Variants in PDE4D observed in about 807,000 individuals in gnomAD.
PDE4D encodes phosphodiesterase 4D, also known as 3',5'-cyclic-AMP phosphodiesterase 4D.
Under a neutral mutation model 87.4 loss-of-function variants are expected in PDE4D, and 24 were observed. That is an observed-to-expected ratio of 0.27 (90% CI 0.20 to 0.39). The LOEUF (loss-of-function observed/expected upper bound fraction) is 0.39. Among genes scored for constraint, PDE4D ranks in the 10% least tolerant of loss-of-function variants. PDE4D has a pLI of 1.00. For synonymous variants in PDE4D, 384 were observed against 383.2 expected (o/e 1.00, Z -0.02); for missense variants, 714 against 1,041.0 (o/e 0.69, Z 4.32).
chr5:60,270,258 A>G (rs1362647705), intron 1 of PDE4D, among the ~76,000 whole-genome samples: 1 of 152,186 alleles, frequency 6.6e-6, no homozygotes, highest in African/African-American at 2.4e-5. Flanking sequence ...CATATCCCCA[A>G]AAAGCAACTG....
intron 1 of PDE4D, among the ~76,000 whole-genome samples, chr5:59,267,949 A>T (rs955433035): frequency 2.0e-5 from 3 of 152,026 alleles, no homozygotes; most frequent in Non-Finnish European, 4.4e-5. Context: ...TGTCCTCTAC[A>T]CTGAGTTTCA....
intron 1 of PDE4D, among the ~76,000 whole-genome samples, chr5:60,276,366 C>A (rs1324653247): frequency 6.6e-6 from 1 of 152,140 alleles, no homozygotes; most frequent in African/African-American, 2.4e-5. Context: ...TTTTACCATG[C>A]CTAATTAAAC....
chr5:60,435,912 T>C (rs1470396394), intron 1 of PDE4D, among the ~76,000 whole-genome samples: 1 of 152,090 alleles, frequency 6.6e-6, no homozygotes, highest in Non-Finnish European at 1.5e-5. Context: ...AAGACAGATC[T>C]TTAATTTTTC....
chr5:60,217,445 G>C (rs1358494212), intron 1 of PDE4D, among the ~76,000 whole-genome samples: 1 of 151,662 alleles, frequency 6.6e-6, no homozygotes, highest in Non-Finnish European at 1.5e-5. Flanking sequence ...TTTTTAATGG[G>C]GAAAGAAACA....
chr5:59,574,106 AT>A (rs1822572014), intron 1 of PDE4D, among the ~76,000 whole-genome samples: 2 of 35,932 alleles, frequency 5.6e-5, no homozygotes, highest in East Asian at 1.1e-3. Context: ...ATATATATTT[AT>A]ATATATATAT....
chr5:59,488,706 G>C (rs1805622996), intron 1 of PDE4D, among the ~76,000 whole-genome samples: 1 of 149,374 alleles, frequency 6.7e-6, no homozygotes, highest in Non-Finnish European at 1.5e-5. Context: ...GGGATCTTCA[G>C]AGAGCTTTCC....
chr5:58,974,910 C>T lies in PDE4D; in HGVS notation c.2184G>A (p.Gln728=), dbSNP rs760459130. 5.0e-6 allele frequency: 8 copies of T among 1,612,758 alleles called. No individual in the cohort carries two copies. Among genetic ancestry groups the T allele is most frequent in the East Asian group, 2.2e-5 (1 of 44,852 alleles). The part of the protein sequence containing the change: ...PAPDDPEEGR[Q]GQTEKFQFEL... Reference sequence around the variant, plus strand: ...CAAACTGGAATTTCTCAGTTTGACCCTGCCGGCCCTCCTCTGGGTCATCAG... The same window carrying T: ...CAAACTGGAATTTCTCAGTTTGACCTTGCCGGCCCTCCTCTGGGTCATCAG... The change falls in exon 15 of 15, where the codon CAG becomes CAA. Residue 728 remains glutamine (Q), a synonymous_variant. Transcript: ENST00000340635.
At chr5:59,512,321 T>G (rs550592760) in intron 1 of PDE4D, among the ~76,000 whole-genome samples, 13 of 152,130 alleles carry the variant, frequency 8.5e-5, no homozygotes, top group Non-Finnish European at 1.9e-4. Flanking sequence ...GTTATATTCC[T>G]CTCTGGGTCA....
intron 1 of PDE4D, chr5:59,768,272 G>T: frequency 6.3e-6 from 10 of 1,598,274 alleles, no homozygotes; most frequent in Non-Finnish European, 8.5e-6. Flanking sequence ...GTGAAACGCC[G>T]CTGTTTGGGG....
intron 5 of PDE4D, among the ~76,000 whole-genome samples, chr5:59,112,649 G>A (rs1772864815): frequency 6.6e-6 from 1 of 152,124 alleles, no homozygotes; most frequent in African/African-American, 2.4e-5. Context: ...ATATTCTCAA[G>A]CTTTGGCCTG....
intron 1 of PDE4D, chr5:59,586,314 A>C (rs746665394): frequency 6.4e-7 from 1 of 1,567,912 alleles, no homozygotes; most frequent in South Asian, 1.1e-5. Flanking sequence ...ACTGAAGGGA[A>C]TATTGATTAC....
chr5:59,207,412 A>G (rs1749034714), intron 2 of PDE4D, among the ~76,000 whole-genome samples: 2 of 151,986 alleles, frequency 1.3e-5, no homozygotes, highest in Non-Finnish European at 1.5e-5. Flanking sequence ...AAGAATCAGT[A>G]ATTTTCAACT....
chr5:60,367,322 C>A (rs995164070), intron 1 of PDE4D, among the ~76,000 whole-genome samples: 1 of 151,898 alleles, frequency 6.6e-6, no homozygotes, highest in Non-Finnish European at 1.5e-5. Context: ...GTGGTGCATG[C>A]CTGTAATCCC....
chr5:59,374,011 A>G (rs776690889), intron 1 of PDE4D, among the ~76,000 whole-genome samples: 7 of 152,214 alleles, frequency 4.6e-5, no homozygotes, highest in Non-Finnish European at 7.3e-5. Flanking sequence ...ATGCCTTACA[A>G]GAACTCCTGA....
intron 1 of PDE4D, among the ~76,000 whole-genome samples, chr5:59,493,508 C>G (rs377701062): frequency 2.6e-5 from 4 of 152,204 alleles, no homozygotes; most frequent in Admixed American, 6.5e-5. Flanking sequence ...TGTTAAAGCA[C>G]AGTAAGTTCT....
chr5:59,907,315 G>A (rs146031668), intron 3 of PDE4D, among the ~76,000 whole-genome samples: 27 of 151,750 alleles, frequency 1.8e-4, no homozygotes, highest in African/African-American at 5.8e-4. Context: ...ATTAGTGGTC[G>A]GCAAACTGTT....
At chr5:59,606,468 C>A (rs1292104768) in intron 1 of PDE4D, among the ~76,000 whole-genome samples, 1 of 151,998 alleles carries the variant, frequency 6.6e-6, no homozygotes, top group Non-Finnish European at 1.5e-5. Context: ...TACTAATATT[C>A]CCCAGTTTAT....
chr5:60,060,587 T>C (rs1364563474), intron 2 of PDE4D, among the ~76,000 whole-genome samples: 1 of 152,128 alleles, frequency 6.6e-6, no homozygotes, highest in Non-Finnish European at 1.5e-5. Flanking sequence ...GAGGAGTTGA[T>C]TTCAACTGTC....
At chr5:59,603,107 T>C (rs1258155487) in intron 1 of PDE4D, among the ~76,000 whole-genome samples, 1 of 151,872 alleles carries the variant, frequency 6.6e-6, no homozygotes, top group East Asian at 1.9e-4. Flanking sequence ...CAATGATTTT[T>C]TGAACATGAC....
Sources: gnomAD v4.1 joint callset for allele counts (sites outside exome capture counted in the v4.1 genomes callset) on GRCh38, gnomAD v4.1.1 for gene constraint, MANE v1.5 for transcripts, NCBI Gene and HGNC (gene_info 2026-07-23, HGNC 2026-07-21) for gene names.